Variants in ORC4 observed in about 807,000 individuals in gnomAD.
ORC4 encodes the protein origin recognition complex, subunit 4 homolog.
A neutral mutation model predicts 63.9 loss-of-function variants in ORC4; 55 were observed. The observed-to-expected ratio is 0.86, with a 90% CI of 0.69 to 1.08. The LOEUF (loss-of-function observed/expected upper bound fraction) is 1.08, where lower values mean the gene tolerates loss of function less well. Among genes scored for constraint, ORC4 ranks in the 50% least tolerant of loss-of-function variants. ORC4 has a pLI of 0.00. For synonymous variants in ORC4, 150 were observed against 168.5 expected, an observed-to-expected ratio of 0.89 and a Z score of 0.85; for missense variants, 511 against 504.4, an observed-to-expected ratio of 1.01 and a Z score of -0.13.
chr2:148,011,213 G>T (rs1290709035), intron 1 of ORC4, among the ~76,000 whole-genome samples: 2 of 152,032 alleles, frequency 1.3e-5, no homozygotes, highest in African/African-American at 4.8e-5. Flanking sequence ...GATGAAAATA[G>T]ATATAAAAAT....
At chr2:147,945,784 T>C (rs145320583) in intron 9 of ORC4, among the ~76,000 whole-genome samples, 22 of 152,214 alleles carry the variant, frequency 1.4e-4, no homozygotes, top group African/African-American at 5.3e-4. Context: ...CAAAATAGCT[T>C]CCTGGATAAT....
intron 1 of ORC4, among the ~76,000 whole-genome samples, chr2:148,009,448 T>C (rs528062088): frequency 6.6e-6 from 1 of 151,910 alleles, no homozygotes; most frequent in Non-Finnish European, 1.5e-5. Flanking sequence ...TTAGATAAAA[T>C]AGATTTCAAC....
intron 1 of ORC4, among the ~76,000 whole-genome samples, chr2:147,979,676 T>C (rs575091399): frequency 6.6e-6 from 1 of 152,122 alleles, no homozygotes; most frequent in Non-Finnish European, 1.5e-5. Flanking sequence ...CTGATTTCAA[T>C]ACCTAGTGCA....
At chr2:147,946,065 G>A (rs772451026) in intron 9 of ORC4, among the ~76,000 whole-genome samples, 6 of 152,078 alleles carry the variant, frequency 3.9e-5, no homozygotes, top group Admixed American at 6.6e-5. Flanking sequence ...TTTAAGGTCT[G>A]CAACAAAAGT....
At chr2:147,997,817 C>T (rs1301118541) in intron 1 of ORC4, among the ~76,000 whole-genome samples, 1 of 152,038 alleles carries the variant, frequency 6.6e-6, no homozygotes, top group Non-Finnish European at 1.5e-5. Flanking sequence ...TAAATCAAAT[C>T]TTGTACTTTA....
intron 1 of ORC4, among the ~76,000 whole-genome samples, chr2:147,997,978 C>T (rs1481708383): frequency 6.6e-6 from 1 of 152,124 alleles, no homozygotes; most frequent in Non-Finnish European, 1.5e-5. Flanking sequence ...GTATAACATG[C>T]TGGACATAAT....
At chr2:147,960,640 A>C (rs1016670012) in intron 4 of ORC4, among the ~76,000 whole-genome samples, 21 of 152,232 alleles carry the variant, frequency 1.4e-4, no homozygotes, top group African/African-American at 4.8e-4. Flanking sequence ...CAAATATTAT[A>C]ATAAACACAG....
chr2:148,013,382 A>C (rs746278172), intron 1 of ORC4, among the ~76,000 whole-genome samples: 13 of 152,248 alleles, frequency 8.5e-5, no homozygotes, highest in Non-Finnish European at 1.8e-4. Flanking sequence ...AATTGAAGTC[A>C]TAGAGATAGT....
chr2:147,996,956 G>A (rs1217927333), intron 1 of ORC4, among the ~76,000 whole-genome samples: 1 of 152,168 alleles, frequency 6.6e-6, no homozygotes, highest in Non-Finnish European at 1.5e-5. Context: ...GTACCTTCCT[G>A]TTTACAGCAG....
intron 4 of ORC4, among the ~76,000 whole-genome samples, chr2:147,962,235 A>G (rs187689995): frequency 1.2e-3 from 185 of 152,260 alleles, no homozygotes; most frequent in Admixed American, 8.5e-3. Flanking sequence ...ACAAACACCT[A>G]CAGTCCTTAC....
intron 1 of ORC4, among the ~76,000 whole-genome samples, chr2:147,984,469 T>G (rs1691073557): frequency 2.0e-5 from 3 of 152,180 alleles, no homozygotes; most frequent in Admixed American, 1.3e-4. Context: ...AGTAGGCTAT[T>G]AACAGTTAAG....
Position 147,931,127 on chromosome 2 carries a change from A to ATAGTT in ORC4, c.*4378_*4382dup, listed in dbSNP as rs1274131644. Reference sequence around the variant, plus strand: ...CGGTGTTTGGTTTTTTGTTCTTGTGATAGTTTACTGAGAATGATGATTTCC... The same window carrying ATAGTT: ...CGGTGTTTGGTTTTTTGTTCTTGTGATAGTTTAGTTTACTGAGAATGATGATTTCC... On this transcript the variant is annotated 3_prime_UTR_variant, in exon 14 of 14. Transcript: ENST00000392857. The ATAGTT allele has an allele frequency of 3.4e-5, 5 of 147,618 alleles. No homozygotes were observed. Among genetic ancestry groups the ATAGTT allele is most frequent in the East Asian group, 4.0e-4 (2 of 5,022 alleles). 9.1% of individuals were successfully genotyped at this position (147,618 alleles called of 1,614,324 possible). A position where few individuals can be genotyped will look rare whatever the true frequency, so the allele number is the denominator to read the frequency against.
chr2:147,956,046 C>T (rs1322492733), intron 6 of ORC4, among the ~76,000 whole-genome samples: 3 of 151,888 alleles, frequency 2.0e-5, no homozygotes, highest in Non-Finnish European at 2.9e-5. Context: ...ATGCATTATC[C>T]AGGTGCTCCA....
chr2:148,001,492 T>G (rs1166679560), intron 1 of ORC4, among the ~76,000 whole-genome samples: 1 of 152,182 alleles, frequency 6.6e-6, no homozygotes, highest in Non-Finnish European at 1.5e-5. Flanking sequence ...ACACAGAATT[T>G]CATATCCAGC....
In ORC4 at chr2:147,930,588, C is replaced by T. The variant is rs1005873677; in HGVS notation, c.*4922G>A. 6.6e-6 allele frequency: 1 copy of T among 152,334 alleles called. No individual in the cohort carries two copies. The highest frequency in any genetic ancestry group is 1.5e-5 in the Non-Finnish European group (1 of 67,962). 9.4% of individuals were successfully genotyped at this position (152,334 alleles called of 1,614,324 possible). A position where few individuals can be genotyped will look rare whatever the true frequency, so the allele number is the denominator to read the frequency against. ...GTCTCAACCCATATCCCATTTGTTA[C>T]CTCTCAGAATATTGGTAAGCAGTTA... On this transcript the variant is annotated 3_prime_UTR_variant, in exon 14 of 14. Transcript: ENST00000392857.
At chr2:148,011,934 AAATT>A (rs1284570366) in intron 1 of ORC4, among the ~76,000 whole-genome samples, 17 of 152,282 alleles carry the variant, frequency 1.1e-4, no homozygotes, top group Admixed American at 5.2e-4. Context: ...AACATTGATG[AAATT>A]AATTGAAGAG....
intron 1 of ORC4, among the ~76,000 whole-genome samples, chr2:147,994,952 G>A (rs1381386950): frequency 1.3e-5 from 2 of 152,164 alleles, no homozygotes; most frequent in African/African-American, 2.4e-5. Flanking sequence ...TTCCTGGGTC[G>A]AGTGGGGACT....
chr2:147,993,755 G>C (rs1421805701), intron 1 of ORC4, among the ~76,000 whole-genome samples: 6 of 152,138 alleles, frequency 3.9e-5, no homozygotes, highest in Non-Finnish European at 7.4e-5. Context: ...ATATGGCTTA[G>C]AACTTTGGTA....
At chr2:147,947,204 C>T (rs547976605) in intron 9 of ORC4, among the ~76,000 whole-genome samples, 3 of 151,944 alleles carry the variant, frequency 2.0e-5, no homozygotes, top group South Asian at 2.1e-4. Flanking sequence ...TTATCCTTAC[C>T]GGTATTTTAA....
Sources: gnomAD v4.1 joint callset for allele counts (sites outside exome capture counted in the v4.1 genomes callset) on GRCh38, gnomAD v4.1.1 for gene constraint, MANE v1.5 for transcripts, NCBI Gene and HGNC (gene_info 2026-07-23, HGNC 2026-07-21) for gene names.